The following KCNQ5 variants were observed in gnomAD, a reference collection of about 807,000 sequenced individuals.
KCNQ5 encodes potassium voltage-gated channel subfamily Q member 5, also known as potassium voltage-gated channel subfamily KQT member 5.
A neutral mutation model predicts 98.2 loss-of-function variants in KCNQ5; 30 were observed. That is an observed-to-expected ratio of 0.31 (90% CI 0.23 to 0.41). The LOEUF is 0.41. KCNQ5 is among the 10% of genes least tolerant of loss of function. KCNQ5 has a pLI of 1.00. For missense variants in KCNQ5, 835 were observed against 1,182.5 expected (o/e 0.71, Z 4.31); for synonymous variants, 458 against 449.4 (o/e 1.02, Z -0.24).
chr6:73,169,647 A>C (rs1777931086), intron 10 of KCNQ5, 99 bp from the exon 11 acceptor site: 1 of 819,470 alleles, frequency 1.2e-6, no homozygotes, highest in African/African-American at 1.7e-5. Flanking sequence ...TTATCAGCTT[A>C]CTCTGTGAGT....
chr6:73,019,290 T>C (rs1234769777), intron 2 of KCNQ5, among the ~76,000 whole-genome samples: 1 of 152,214 alleles, frequency 6.6e-6, no homozygotes, highest in Admixed American at 6.5e-5. Flanking sequence ...TTTAGAGTGG[T>C]TTGGTTGAAT....
chr6:73,000,825 G>A (rs1013893975), intron 1 of KCNQ5, among the ~76,000 whole-genome samples: 1 of 152,044 alleles, frequency 6.6e-6, no homozygotes, highest in African/African-American at 2.4e-5. Context: ...TTCCCAGAAG[G>A]CAACTCTGAT....
intron 1 of KCNQ5, among the ~76,000 whole-genome samples, chr6:72,983,486 A>G (rs971638755): frequency 2.6e-5 from 4 of 152,226 alleles, no homozygotes; most frequent in Admixed American, 2.0e-4. Context: ...TTGTGCATGT[A>G]TCACATAGTT....
chr6:73,118,091 A>G (rs1312538701), intron 7 of KCNQ5, among the ~76,000 whole-genome samples: 1 of 152,220 alleles, frequency 6.6e-6, no homozygotes, highest in Non-Finnish European at 1.5e-5. Flanking sequence ...TACAATGTGC[A>G]TGCAGAAAAG....
At chr6:72,764,450 C>T (rs540926727) in intron 1 of KCNQ5, among the ~76,000 whole-genome samples, 8 of 151,896 alleles carry the variant, frequency 5.3e-5, no homozygotes, top group African/African-American at 1.9e-4. Flanking sequence ...TCCCTGATCC[C>T]TTTTTTATTT....
At chr6:72,712,675 A>G (rs1041800281) in intron 1 of KCNQ5, among the ~76,000 whole-genome samples, 2 of 152,162 alleles carry the variant, frequency 1.3e-5, no homozygotes, top group African/African-American at 2.4e-5. Context: ...GAACACCAAT[A>G]GGTTTTCTTG....
intron 1 of KCNQ5, among the ~76,000 whole-genome samples, chr6:72,735,150 C>T (rs1770763392): frequency 6.6e-6 from 1 of 152,152 alleles, no homozygotes; most frequent in South Asian, 2.1e-4. Context: ...ATCAAAAAAA[C>T]TCTTTTCTTA....
At chr6:72,807,068 T>C (rs1054259986) in intron 1 of KCNQ5, among the ~76,000 whole-genome samples, 1 of 152,168 alleles carries the variant, frequency 6.6e-6, no homozygotes, top group Non-Finnish European at 1.5e-5. Flanking sequence ...TTTATTTATT[T>C]ATGCATTTAT....
At chr6:73,133,371 A>C in intron 9 of KCNQ5, 50 bp from the exon 10 acceptor site, 1 of 1,528,656 alleles carries the variant, frequency 6.5e-7, no homozygotes, top group South Asian at 1.1e-5. Context: ...ACCCAAGCAA[A>C]GTGGAAGAAA....
chr6:73,172,744 G>C, intron 11 of KCNQ5, among the ~76,000 whole-genome samples: 1 of 152,012 alleles, frequency 6.6e-6, no homozygotes, highest in Non-Finnish European at 1.5e-5. Context: ...GTAACTTTGG[G>C]CATTTTTCTT....
chr6:73,195,479 C>T lies in KCNQ5; in HGVS notation c.*65C>T, dbSNP rs925894040. On this transcript the variant is annotated 3_prime_UTR_variant, in exon 14 of 14. Transcript: ENST00000370398. ...ATACATATCATTGCATGAACTATTT[C>T]GAAAGCCCTTCTAAAAAGTTGAAAT... is the stretch of plus-strand genomic sequence containing the variant. 9.8e-6 allele frequency: 15 copies of T among 1,531,844 alleles called. No homozygotes were observed. The highest frequency in any genetic ancestry group is 3.5e-4 in the Middle Eastern group (2 of 5,738). 94.9% of individuals were successfully genotyped at this position (1,531,844 alleles called of 1,614,324 possible). A position where few individuals can be genotyped will look rare whatever the true frequency, so the allele number is the denominator to read the frequency against.
At chr6:72,957,279 T>G (rs1223188984) in intron 1 of KCNQ5, among the ~76,000 whole-genome samples, 1 of 150,364 alleles carries the variant, frequency 6.7e-6, no homozygotes, top group Non-Finnish European at 1.5e-5. Flanking sequence ...TAAGCAATTA[T>G]CCAGCCTCAG....
chr6:73,016,067 T>C lies in KCNQ5; in HGVS notation c.489+12069T>C, dbSNP rs576423508. On this transcript the variant is annotated intron_variant, in intron 2 of 13. Transcript: ENST00000370398. ...CTCTGTTCTCATGGAGCTAATGTTTTTGTGGAAGACCTAGAATAAACAAAC... is the reference window on the plus strand; with the variant it reads ...CTCTGTTCTCATGGAGCTAATGTTTCTGTGGAAGACCTAGAATAAACAAAC... Among the ~76,000 whole-genome samples the C allele has an allele frequency of 8.5e-4, 130 of 152,276 alleles. 1 individual carries two copies. Among genetic ancestry groups the C allele is most frequent in the African/African-American group, 3.0e-3 (126 of 41,564 alleles).
At chr6:73,013,870 T>C (rs967055452) in intron 2 of KCNQ5, among the ~76,000 whole-genome samples, 1 of 152,150 alleles carries the variant, frequency 6.6e-6, no homozygotes, top group African/African-American at 2.4e-5. Flanking sequence ...TGCTGTGCTT[T>C]CATAAAGAGT....
At chr6:72,891,889 T>C (rs1779071780) in intron 1 of KCNQ5, among the ~76,000 whole-genome samples, 1 of 152,182 alleles carries the variant, frequency 6.6e-6, no homozygotes, top group Non-Finnish European at 1.5e-5. Flanking sequence ...CATTTGGATA[T>C]AGGCTTTCAG....
intron 1 of KCNQ5, among the ~76,000 whole-genome samples, chr6:72,804,723 T>A (rs1024591955): frequency 1.3e-5 from 2 of 152,180 alleles, no homozygotes; most frequent in Non-Finnish European, 2.9e-5. Context: ...TTTGTAGTTT[T>A]TTGAGGAACC....
chr6:72,707,645 A>G (rs1488955686), intron 1 of KCNQ5, among the ~76,000 whole-genome samples: 3 of 152,216 alleles, frequency 2.0e-5, no homozygotes, highest in Non-Finnish European at 4.4e-5. Context: ...ATAATAGTTA[A>G]CTTAGGACAG....
intron 3 of KCNQ5, among the ~76,000 whole-genome samples, chr6:73,047,477 T>C (rs1247042999): frequency 1.3e-5 from 2 of 152,236 alleles, no homozygotes; most frequent in Non-Finnish European, 2.9e-5. Context: ...TTAACATTAA[T>C]AAACTATCGG....
chr6:73,146,910 A>T (rs527816179), intron 10 of KCNQ5, among the ~76,000 whole-genome samples: 1 of 152,302 alleles, frequency 6.6e-6, no homozygotes, highest in South Asian at 2.1e-4. Context: ...TGGTTTTTGT[A>T]TGTGAGTTTT....
Sources: allele counts gnomAD v4.1 joint callset (sites outside exome capture counted in the v4.1 genomes callset), GRCh38; gene constraint gnomAD v4.1.1; transcripts MANE v1.5; gene names NCBI Gene and HGNC (gene_info 2026-07-23, HGNC 2026-07-21).